The following TPCN1 variants were observed in gnomAD, a reference collection of about 807,000 sequenced individuals.
TPCN1 encodes two pore channel protein 1.
Under a neutral mutation model 108.8 loss-of-function variants are expected in TPCN1, and 52 were observed. The observed-to-expected ratio is 0.48, with a 90% confidence interval of 0.38 to 0.60. The LOEUF is 0.60. Ranked by LOEUF, TPCN1 falls within the 20% of genes least tolerant of loss-of-function variation. The pLI, the probability that TPCN1 is intolerant of heterozygous loss-of-function variation, is 0.00. For missense variants in TPCN1, 806 were observed against 1,072.8 expected (o/e 0.75, Z 3.47); for synonymous variants, 446 against 433.7 (o/e 1.03, Z -0.35).
At chr12:113,281,260 G>A (rs1332469282) in intron 15 of TPCN1, among the ~76,000 whole-genome samples, 5 of 151,944 alleles carry the variant, frequency 3.3e-5, no homozygotes, top group African/African-American at 9.7e-5. Flanking sequence ...GGATGGTCTC[G>A]AACTCCTGAC....
intron 2 of TPCN1, among the ~76,000 whole-genome samples, chr12:113,233,464 G>T (rs1323211766): frequency 6.6e-6 from 1 of 152,236 alleles, no homozygotes; most frequent in African/African-American, 2.4e-5. Context: ...GGTTTCAAAT[G>T]ACAGCAAGGT....
At position 113,272,613 on chromosome 12, in the gene TPCN1, C is replaced by T. The variant is rs746521478; in HGVS notation, c.749-45C>T. The T allele has an allele frequency of 1.3e-6, 2 of 1,585,808 alleles. No individual in the cohort carries two copies. The highest frequency in any genetic ancestry group is 1.1e-5 in the South Asian group (1 of 90,496). On this transcript the variant is annotated intron_variant, in intron 7 of 27. Coordinates refer to ENST00000335509, the MANE Select transcript of TPCN1 (RefSeq NM_017901.6). The surrounding 1 kb of genome is among the most constrained non-coding windows in gnomAD (Gnocchi z 4.1). The stretch of plus-strand genomic sequence containing the variant: ...GTCCTTTTGACACCAGGTTTTGGGA[C>T]CTCTGCTCTAATCCTTTTGTTTATC...
chr12:113,288,543 TG>T lies in TPCN1; in HGVS notation c.1707-212del. The T allele has an allele frequency of 6.8e-7, 1 of 1,475,734 alleles. No individual in the cohort carries two copies. Among genetic ancestry groups the T allele is most frequent in the Non-Finnish European group, 9.0e-7 (1 of 1,114,786 alleles). 91.4% of individuals were successfully genotyped at this position (1,475,734 alleles called of 1,614,324 possible). On this transcript the variant is annotated intron_variant, in intron 20 of 27. Coordinates refer to ENST00000335509, the MANE Select transcript of TPCN1 (RefSeq NM_017901.6). The surrounding 1 kb of genome is among the most constrained non-coding windows in gnomAD (Gnocchi z 4.8). The stretch of plus-strand genomic sequence containing the variant: ...CCTTCACAGGTAAGGGGTGAATCTC[TG>T]GGAAAGGGGCATTTGTTCATAGCGT...
At chr12:113,242,315 C>T (rs1181573709) in intron 2 of TPCN1, among the ~76,000 whole-genome samples, 1 of 152,200 alleles carries the variant, frequency 6.6e-6, no homozygotes, top group East Asian at 1.9e-4. Flanking sequence ...ACCATTAGTC[C>T]CCAGTGGCTC....
Position 113,273,566 on chromosome 12 carries a change from C to T in TPCN1, c.843-3C>T, listed in dbSNP as rs1335932401. The stretch of plus-strand genomic sequence containing the variant: ...CACGCCGGGTCACCCTCTGCAAATA[C>T]AGTTTCCCAGATGTGATGATGCCCT... On this transcript the variant is annotated splice_region_variant and splice_polypyrimidine_tract_variant and intron_variant, in intron 9 of 27. Coordinates refer to ENST00000335509, the MANE Select transcript of TPCN1 (RefSeq NM_017901.6). This position sits in a 1 kb window ranked among gnomAD's most constrained non-coding sequence, Gnocchi z 4.0. 1.9e-6 allele frequency: 3 copies of T among 1,612,654 alleles called. No homozygotes were observed. In the South Asian group the frequency reaches 3.3e-5, roughly 18 times the overall value.
At chr12:113,264,796 G>A (rs1354871557) in intron 3 of TPCN1, among the ~76,000 whole-genome samples, 2 of 152,170 alleles carry the variant, frequency 1.3e-5, no homozygotes, top group East Asian at 1.9e-4. Flanking sequence ...GGGGAATCCT[G>A]AATTAAGTAA....
chr12:113,260,828 G>A (rs956817441), intron 3 of TPCN1, among the ~76,000 whole-genome samples: 5 of 152,142 alleles, frequency 3.3e-5, no homozygotes, highest in Non-Finnish European at 5.9e-5. Context: ...TACTGAATGC[G>A]GTAGCTTTAT....
chr12:113,288,965 C>G lies in TPCN1; in HGVS notation c.1796+118C>G. 2 of 1,003,656 alleles carry G rather than the reference C, an allele frequency of 2.0e-6. No individual in the cohort carries two copies. The highest frequency in any genetic ancestry group is 2.7e-5 in the South Asian group (2 of 74,832). 62.2% of individuals were successfully genotyped at this position (1,003,656 alleles called of 1,614,324 possible). A position where few individuals can be genotyped will look rare whatever the true frequency, so the allele number is the denominator to read the frequency against. On this transcript the variant is annotated intron_variant, in intron 21 of 27. Transcript: ENST00000335509. This position sits in a 1 kb window ranked among gnomAD's most constrained non-coding sequence, Gnocchi z 4.8. ...CTCGGGGATGTTCCTGTCTAAGCAA[C>G]CACCTTGCTTTGCTTTCAGGGCTTA...
intron 2 of TPCN1, among the ~76,000 whole-genome samples, chr12:113,227,441 G>A (rs1344815753): frequency 6.6e-6 from 1 of 152,214 alleles, no homozygotes; most frequent in African/African-American, 2.4e-5. Context: ...AAGAGGGCGA[G>A]TGTTTTGTCA....
intron 12 of TPCN1, among the ~76,000 whole-genome samples, 173 bp from the exon 13 acceptor site, chr12:113,278,016 C>T (rs543759895): frequency 2.3e-4 from 35 of 152,256 alleles, no homozygotes; most frequent in Non-Finnish European, 4.7e-4. Flanking sequence ...CAGAGGAGAT[C>T]CAAACGCTTG....
At chr12:113,291,495 C>A in intron 23 of TPCN1, 114 bp from the exon 24 acceptor site, 1 of 878,758 alleles carries the variant, frequency 1.1e-6, no homozygotes, top group South Asian at 1.5e-5. Context: ...CTCTCACAAC[C>A]AGCCACAAAT....
chr12:113,291,741 C>A (rs1398342388), intron 24 of TPCN1, 64 bp downstream of exon 24: 1 of 1,587,932 alleles, frequency 6.3e-7, no homozygotes, highest in Non-Finnish European at 8.6e-7. Context: ...TGCCCCTGCT[C>A]TTCAGCCTGC....
intron 17 of TPCN1, among the ~76,000 whole-genome samples, chr12:113,285,253 T>TGCTTGTGCCCCCAG (rs753870710): frequency 2.6e-5 from 4 of 152,246 alleles, no homozygotes; most frequent in Non-Finnish European, 5.9e-5. Context: ...TGCCCTGCAC[T>TGCTTGTGCCCCCAG]GGTCACTTTT....
Position 113,287,112 on chromosome 12 carries a change from G to T in TPCN1, c.1634+18G>T. On this transcript the variant is annotated intron_variant, in intron 19 of 27. Coordinates refer to ENST00000335509, the MANE Select transcript of TPCN1 (RefSeq NM_017901.6). ...CTGCTGAGGTGATGGGCAGGGCAGA[G>T]CCGGAGACAGGGAGAAAGAGAGGGA... 1 of 1,592,926 alleles carries T rather than the reference G, an allele frequency of 6.3e-7. No homozygotes were observed. Among genetic ancestry groups the T allele is most frequent in the Non-Finnish European group, 8.6e-7 (1 of 1,161,842 alleles).
chr12:113,283,633 T>TA (rs879333520), intron 15 of TPCN1, among the ~76,000 whole-genome samples: 24 of 145,796 alleles, frequency 1.6e-4, no homozygotes, highest in Admixed American at 2.1e-4. Context: ...AACCCTGTCT[T>TA]AAAAAAAAAA....
chr12:113,286,384 C>T (rs550666488), intron 18 of TPCN1, among the ~76,000 whole-genome samples: 3 of 128,942 alleles, frequency 2.3e-5, no homozygotes, highest in Non-Finnish European at 5.1e-5. Context: ...TCAAGTTAAC[C>T]GGCCTGTGAA....
intron 3 of TPCN1, among the ~76,000 whole-genome samples, chr12:113,263,599 G>A (rs1955127804): frequency 6.6e-6 from 1 of 152,222 alleles, no homozygotes; most frequent in African/African-American, 2.4e-5. Flanking sequence ...GCCAAGCTGC[G>A]GGTCCTGCAG....
intron 2 of TPCN1, among the ~76,000 whole-genome samples, chr12:113,230,268 C>CT (rs1953636536): frequency 6.6e-6 from 1 of 150,702 alleles, no homozygotes; most frequent in Admixed American, 6.6e-5. Context: ...CTACTAGGCC[C>CT]TGAGATCCAT....
At chr12:113,239,186 A>C (rs1255095688) in intron 2 of TPCN1, among the ~76,000 whole-genome samples, 1 of 152,156 alleles carries the variant, frequency 6.6e-6, no homozygotes, top group African/African-American at 2.4e-5. Context: ...TGGGAGGGCT[A>C]AGTTTGGCAA....
Sources: allele counts gnomAD v4.1 joint callset (sites outside exome capture counted in the v4.1 genomes callset), GRCh38; gene constraint gnomAD v4.1.1; non-coding constraint Gnocchi (gnomAD v3.1); transcripts MANE v1.5; gene names NCBI Gene and HGNC (gene_info 2026-07-23, HGNC 2026-07-21).